Variants in NYAP2 observed in about 807,000 individuals in gnomAD.
NYAP2 encodes the protein neuronal tyrosine-phosphorylated phosphoinositide-3-kinase adapter 2.
Under a neutral mutation model 50.4 loss-of-function variants are expected in NYAP2, and 23 were observed. That is an observed-to-expected ratio of 0.46 (90% CI 0.33 to 0.65). NYAP2 has a LOEUF of 0.65. Ranked by LOEUF, NYAP2 falls within the 30% of genes least tolerant of loss-of-function variation. The pLI is 0.02. For synonymous variants in NYAP2, 394 were observed against 365.2 expected, an observed-to-expected ratio of 1.08 and a Z score of -0.90; for missense variants, 885 against 861.0, an observed-to-expected ratio of 1.03 and a Z score of -0.35.
Position 225,569,599 on chromosome 2 carries a change from A to G in NYAP2, c.524-12342A>G, listed in dbSNP as rs145334997. Among the ~76,000 whole-genome samples, 8 of 152,284 alleles carry G rather than the reference A, an allele frequency of 5.3e-5. No individual in the cohort carries two copies. The East Asian group carries it at 1.5e-3, about 29-fold the overall frequency. On this transcript the variant is annotated intron_variant, in intron 4 of 6. Coordinates refer to ENST00000636099, the Ensembl canonical transcript of NYAP2. ...GAGAAAGTAAAATATTAATAGGTATACATTTTGAGGCCCTTCCAAGTGGCA... is the reference window on the plus strand; with the variant it reads ...GAGAAAGTAAAATATTAATAGGTATGCATTTTGAGGCCCTTCCAAGTGGCA...
rs192235003 is a variant in NYAP2 at position 225,591,932 on chromosome 2, A to C, written c.1618+8897A>C. ...GTGGGAAATCTTTTGGGCACCCTTC[A>C]AAACTCACTTTGGAATATCCCAGTC... On this transcript the variant is annotated intron_variant, in intron 5 of 6. Coordinates refer to ENST00000636099, the Ensembl canonical transcript of NYAP2. 2.4e-3 allele frequency among the ~76,000 whole-genome samples: 360 copies of C among 152,282 alleles called. 1 individual carries two copies. Among genetic ancestry groups the C allele is most frequent in the African/African-American group, 8.1e-3 (337 of 41,534 alleles).
the NYAP2 span, among the ~76,000 whole-genome samples, chr2:225,672,088 A>G: frequency 6.6e-6 from 1 of 151,998 alleles, no homozygotes; most frequent in African/African-American, 2.4e-5. Context: ...GCTTCAACTT[A>G]AAGTCACTGG....
intron 3 of NYAP2, among the ~76,000 whole-genome samples, chr2:225,498,893 T>G (rs1295026289): frequency 6.6e-6 from 1 of 152,180 alleles, no homozygotes; most frequent in Non-Finnish European, 1.5e-5. Flanking sequence ...TGGAACATGC[T>G]AATCTTGGGT....
At chr2:225,545,324 T>C (rs1049817886) in intron 4 of NYAP2, among the ~76,000 whole-genome samples, 2 of 152,170 alleles carry the variant, frequency 1.3e-5, no homozygotes, top group Non-Finnish European at 2.9e-5. Flanking sequence ...CACTCTTAGA[T>C]TCGCCCTTTT....
At chr2:225,530,992 A>G (rs1200454138) in intron 4 of NYAP2, among the ~76,000 whole-genome samples, 1 of 152,188 alleles carries the variant, frequency 6.6e-6, no homozygotes, top group Non-Finnish European at 1.5e-5. Flanking sequence ...CTAACTGGTC[A>G]TCTTTCCTGC....
chr2:225,504,222 G>A (rs1690661878), intron 3 of NYAP2, among the ~76,000 whole-genome samples: 1 of 152,180 alleles, frequency 6.6e-6, no homozygotes, highest in African/African-American at 2.4e-5. Flanking sequence ...TCAGTGTCTG[G>A]TGAGGTCCTG....
intron 6 of NYAP2, among the ~76,000 whole-genome samples, chr2:225,629,399 C>T (rs749945634): frequency 1.3e-5 from 2 of 152,154 alleles, no homozygotes; most frequent in Non-Finnish European, 2.9e-5. Flanking sequence ...CTCACATATA[C>T]ACCCAGAAAA....
chr2:225,433,803 C>A (rs1343943244), intron 3 of NYAP2, among the ~76,000 whole-genome samples: 3 of 109,298 alleles, frequency 2.7e-5, no homozygotes, highest in Non-Finnish European at 5.1e-5. Context: ...GGCGACAGAG[C>A]GAGACTCCGT....
At chr2:225,439,086 TG>T (rs1456139857) in intron 3 of NYAP2, among the ~76,000 whole-genome samples, 1 of 152,154 alleles carries the variant, frequency 6.6e-6, no homozygotes, top group African/African-American at 2.4e-5. Flanking sequence ...AGTTGAGGAC[TG>T]TTTGGGGACT....
intron 4 of NYAP2, among the ~76,000 whole-genome samples, chr2:225,579,876 T>C (rs370266930): frequency 6.6e-6 from 1 of 152,200 alleles, no homozygotes; most frequent in Non-Finnish European, 1.5e-5. Flanking sequence ...AAGCAAATTA[T>C]AATTTAAGAG....
chr2:225,577,863 G>T lies in NYAP2; in HGVS notation c.524-4078G>T, dbSNP rs138000531. On this transcript the variant is annotated intron_variant, in intron 4 of 6. Transcript: ENST00000636099. ...GCCCCCATATTGAAAGAATGAATCT[G>T]TTAATTCATCCTGATCATCTATAAT... Among the ~76,000 whole-genome samples, 614 of 150,428 alleles carry T rather than the reference G, an allele frequency of 4.1e-3. 4 individuals carry two copies. Among genetic ancestry groups the T allele is most frequent in the Middle Eastern group, 0.014 (4 of 294 alleles).
intron 3 of NYAP2, among the ~76,000 whole-genome samples, chr2:225,437,998 T>G (rs1165258837): frequency 6.6e-6 from 1 of 152,202 alleles, no homozygotes; most frequent in African/African-American, 2.4e-5. Flanking sequence ...TTTCTTACTC[T>G]CATTCTTGCC....
rs1015234274 is a variant in NYAP2 at position 225,486,031 on chromosome 2, C to T, written c.222-27340C>T. On this transcript the variant is annotated intron_variant, in intron 3 of 6. Coordinates refer to ENST00000636099, the Ensembl canonical transcript of NYAP2. ...GTGGTAAAACTGCCCCCACTTCTCT[C>T]CTACCCCCATTTGGTTGAGAACTAG... Among the ~76,000 whole-genome samples the T allele has an allele frequency of 3.9e-5, 6 of 152,264 alleles. No homozygotes were observed. The East Asian group carries it at 9.7e-4, about 25-fold the overall frequency.
chr2:225,512,482 CTCCT>C (rs1193511316), intron 3 of NYAP2, among the ~76,000 whole-genome samples: 1 of 147,986 alleles, frequency 6.8e-6, no homozygotes, highest in Non-Finnish European at 1.5e-5. Flanking sequence ...TCCTTTCTTC[CTCCT>C]TCCTTCCTCC....
chr2:225,663,661 G>A, the NYAP2 span, among the ~76,000 whole-genome samples: 2 of 152,106 alleles, frequency 1.3e-5, no homozygotes, highest in African/African-American at 4.8e-5. Flanking sequence ...AGGTTCAAGC[G>A]ATTCTCCTGC....
chr2:225,552,897 A>G lies in NYAP2; in HGVS notation c.524-29044A>G, dbSNP rs185007803. Among the ~76,000 whole-genome samples the G allele has an allele frequency of 3.3e-5, 5 of 152,290 alleles. No homozygotes were observed. In the East Asian group the frequency reaches 9.7e-4, roughly 29 times the overall value. On this transcript the variant is annotated intron_variant, in intron 4 of 6. Transcript: ENST00000636099. The stretch of plus-strand genomic sequence containing the variant: ...GAGACAGGATTTCACCATATTGGCC[A>G]GGTTGGTCTCCAACTCCTGACCTCG...
At chr2:225,536,552 G>C (rs983378122) in intron 4 of NYAP2, among the ~76,000 whole-genome samples, 7 of 151,914 alleles carry the variant, frequency 4.6e-5, no homozygotes, top group African/African-American at 1.7e-4. Flanking sequence ...CATTTTTTGA[G>C]TATATAGTAG....
chr2:225,520,768 T>C (rs1379422716), intron 4 of NYAP2, among the ~76,000 whole-genome samples: 3 of 152,160 alleles, frequency 2.0e-5, no homozygotes, highest in African/African-American at 7.2e-5. Context: ...TCTTTTTTGG[T>C]TCCATATGAA....
intron 2 of NYAP2, among the ~76,000 whole-genome samples, chr2:225,401,559 C>G (rs762077290): frequency 6.6e-6 from 1 of 151,970 alleles, no homozygotes; most frequent in African/African-American, 2.4e-5. Flanking sequence ...AGACATAAAC[C>G]TCTTTGAGAA....
Sources: gnomAD v4.1 joint callset for allele counts (sites outside exome capture counted in the v4.1 genomes callset) on GRCh38, gnomAD v4.1.1 for gene constraint, MANE v1.5 for transcripts, NCBI Gene and HGNC (gene_info 2026-07-23, HGNC 2026-07-21) for gene names.